The following ZNF804B variants were observed in gnomAD, a reference collection of about 807,000 sequenced individuals.
ZNF804B encodes the protein zinc finger 804B.
In ZNF804B, 80 loss-of-function variants were observed where a neutral mutation model predicts 101.4. That is an observed-to-expected ratio of 0.79 (90% CI 0.66 to 0.95). ZNF804B has a LOEUF of 0.95. Among genes scored for constraint, ZNF804B ranks in the 40% least tolerant of loss-of-function variants. ZNF804B has a pLI of 0.00. For synonymous variants in ZNF804B, 622 were observed against 558.8 expected (o/e 1.11, Z -1.59); for missense variants, 1,673 against 1,561.9 (o/e 1.07, Z -1.20).
intron 1 of ZNF804B, among the ~76,000 whole-genome samples, chr7:89,134,147 C>A (rs1790595254): frequency 1.3e-5 from 2 of 152,214 alleles, no homozygotes; most frequent in South Asian, 4.1e-4. Flanking sequence ...CCCTGTTAAT[C>A]TATTTCAATA....
At chr7:89,105,563 C>A (rs1476723315) in intron 1 of ZNF804B, among the ~76,000 whole-genome samples, 5 of 152,044 alleles carry the variant, frequency 3.3e-5, no homozygotes, top group African/African-American at 9.7e-5. Context: ...CTGACACCAA[C>A]TGGGTAGGGG....
chr7:89,056,924 G>A (rs1789305039), intron 1 of ZNF804B, among the ~76,000 whole-genome samples: 1 of 152,062 alleles, frequency 6.6e-6, no homozygotes, highest in South Asian at 2.1e-4. Context: ...GGGAATTTGG[G>A]GTTAGGGTTT....
chr7:89,218,023 A>G, intron 1 of ZNF804B, 132 bp from the exon 2 acceptor site: 1 of 832,412 alleles, frequency 1.2e-6, no homozygotes, highest in Non-Finnish European at 1.8e-6. Context: ...TTATTCTCAC[A>G]GTGTCATGAA....
At chr7:88,906,081 G>A (rs1472385929) in intron 1 of ZNF804B, among the ~76,000 whole-genome samples, 1 of 151,796 alleles carries the variant, frequency 6.6e-6, no homozygotes, top group African/African-American at 2.4e-5. Flanking sequence ...GTTTGTAGTA[G>A]TCTGAAGATC....
chr7:89,319,874 C>G (rs1344899520), intron 2 of ZNF804B, among the ~76,000 whole-genome samples: 1 of 152,042 alleles, frequency 6.6e-6, no homozygotes, highest in African/African-American at 2.4e-5. Flanking sequence ...CTTGAGGGCT[C>G]ACAGAAAAAG....
intron 1 of ZNF804B, among the ~76,000 whole-genome samples, chr7:88,914,237 G>T (rs1463171338): frequency 6.6e-6 from 1 of 152,142 alleles, no homozygotes; most frequent in Admixed American, 6.5e-5. Context: ...TGGAAAATTT[G>T]TCTTGAATTT....
At chr7:89,269,256 T>C (rs1306099055) in intron 2 of ZNF804B, among the ~76,000 whole-genome samples, 4 of 152,080 alleles carry the variant, frequency 2.6e-5, no homozygotes, top group African/African-American at 9.7e-5. Context: ...ATGTTCCCCT[T>C]CCTGTGTCCA....
chr7:88,897,291 T>C (rs552293753), intron 1 of ZNF804B, among the ~76,000 whole-genome samples: 1 of 152,272 alleles, frequency 6.6e-6, no homozygotes, highest in East Asian at 1.9e-4. Flanking sequence ...TGGGAAAAGA[T>C]GTCACAGATG....
chr7:88,867,655 G>A (rs543464641), intron 1 of ZNF804B, among the ~76,000 whole-genome samples: 1 of 152,232 alleles, frequency 6.6e-6, no homozygotes, highest in Admixed American at 6.5e-5. Context: ...CAGTCAAGTT[G>A]ACACCTTGCT....
intron 1 of ZNF804B, among the ~76,000 whole-genome samples, chr7:89,153,902 A>G (rs1009576990): frequency 2.6e-5 from 4 of 152,132 alleles, no homozygotes; most frequent in Admixed American, 2.6e-4. Context: ...ATAGATGCTG[A>G]GACAACTTCT....
chr7:89,207,069 G>T (rs541152089), intron 1 of ZNF804B, among the ~76,000 whole-genome samples: 1 of 152,290 alleles, frequency 6.6e-6, no homozygotes, highest in South Asian at 2.1e-4. Flanking sequence ...TCTCTAGAAA[G>T]TTCCATACTT....
intron 2 of ZNF804B, among the ~76,000 whole-genome samples, chr7:89,285,038 A>C (rs1790160637): frequency 6.6e-6 from 1 of 151,798 alleles, no homozygotes; most frequent in African/African-American, 2.4e-5. Context: ...GTCTCCACTA[A>C]ATAAAAAAAT....
At position 89,333,971 on chromosome 7, in the gene ZNF804B, A is replaced by G. The variant is rs1791030071; in HGVS notation, c.989A>G (p.His330Arg). Residue 330 changes from histidine to arginine, a missense_variant, in exon 4 of 4, where the codon CAT becomes CGT. Transcript: ENST00000333190. The stretch of plus-strand genomic sequence containing the variant: ...GCTTCATTCTCTAAATCTAACATTC[A>G]TCTTTCAGATGTAGATTTTACTCCT... ...IHASFSKSNI[H>R]LSDVDFTPTS... 3 of 1,613,562 alleles carry G rather than the reference A, an allele frequency of 1.9e-6. No individual in the cohort carries two copies. Among genetic ancestry groups the G allele is most frequent in the African/African-American group, 1.3e-5 (1 of 75,020 alleles).
chr7:88,832,019 T>C (rs1239474652), intron 1 of ZNF804B, among the ~76,000 whole-genome samples: 2 of 151,952 alleles, frequency 1.3e-5, no homozygotes, highest in African/African-American at 2.4e-5. Flanking sequence ...TTCTAATTCC[T>C]TTATTTTTAT....
intron 1 of ZNF804B, among the ~76,000 whole-genome samples, chr7:88,812,764 T>C (rs1406353238): frequency 6.6e-6 from 1 of 152,110 alleles, no homozygotes; most frequent in Non-Finnish European, 1.5e-5. Context: ...CGAATGAACC[T>C]GGAAGACATG....
At chr7:89,021,518 G>A (rs897567942) in intron 1 of ZNF804B, among the ~76,000 whole-genome samples, 2 of 152,172 alleles carry the variant, frequency 1.3e-5, no homozygotes, top group Admixed American at 1.3e-4. Flanking sequence ...TTGTGTGTCT[G>A]CTGATGGTGG....
intron 1 of ZNF804B, among the ~76,000 whole-genome samples, chr7:88,787,758 C>T (rs888667161): frequency 1.3e-5 from 2 of 152,078 alleles, no homozygotes; most frequent in Admixed American, 6.6e-5. Flanking sequence ...TTGTAGAACC[C>T]GGTTTCAGTT....
At chr7:89,021,241 G>GT (rs1788662464) in intron 1 of ZNF804B, among the ~76,000 whole-genome samples, 1 of 152,172 alleles carries the variant, frequency 6.6e-6, no homozygotes, top group Non-Finnish European at 1.5e-5. Context: ...TTTTAGTGAT[G>GT]TTTTCAAATG....
At chr7:89,224,008 T>C (rs1275846417) in intron 2 of ZNF804B, among the ~76,000 whole-genome samples, 1 of 151,992 alleles carries the variant, frequency 6.6e-6, no homozygotes, top group Non-Finnish European at 1.5e-5. Flanking sequence ...CTTGTGAGAC[T>C]ACCTAGAAGT....
Sources: allele counts gnomAD v4.1 joint callset (sites outside exome capture counted in the v4.1 genomes callset), GRCh38; gene constraint gnomAD v4.1.1; transcripts MANE v1.5; gene names NCBI Gene and HGNC (gene_info 2026-07-23, HGNC 2026-07-21).